LHFPL3: variants seen among roughly 807,000 people sequenced by gnomAD.
The protein encoded by LHFPL3 is LHFPL tetraspan subfamily member 3, also known as LHFPL tetraspan subfamily member 3 protein.
Under a neutral mutation model 19.3 loss-of-function variants are expected in LHFPL3, and 5 were observed. The observed-to-expected ratio is 0.26, with a 90% CI of 0.14 to 0.54. The LOEUF is 0.54. LHFPL3 is among the 20% of genes least tolerant of loss of function. The pLI is 0.94. For missense variants in LHFPL3, 249 were observed against 307.4 expected (o/e 0.81, Z 1.42); for synonymous variants, 133 against 126.2 (o/e 1.05, Z -0.36).
chr7:104,415,160 T>C (rs1791596932), intron 1 of LHFPL3, among the ~76,000 whole-genome samples: 1 of 152,176 alleles, frequency 6.6e-6, no homozygotes, highest in Non-Finnish European at 1.5e-5. Context: ...CTTAATCCTA[T>C]ATCAAGGACA....
At chr7:104,354,204 C>A (rs1389142246) in intron 1 of LHFPL3, among the ~76,000 whole-genome samples, 1 of 152,228 alleles carries the variant, frequency 6.6e-6, no homozygotes, top group Non-Finnish European at 1.5e-5. Context: ...ACCCACGTGG[C>A]TGTATGCACC....
At chr7:104,878,291 G>A (rs371677546) in intron 2 of LHFPL3, among the ~76,000 whole-genome samples, 1 of 151,830 alleles carries the variant, frequency 6.6e-6, no homozygotes, top group Admixed American at 6.6e-5. Context: ...CAAATTGAAG[G>A]TTTGTGGCAA....
intron 1 of LHFPL3, among the ~76,000 whole-genome samples, chr7:104,369,191 C>T (rs1790560701): frequency 6.6e-6 from 1 of 152,164 alleles, no homozygotes; most frequent in African/African-American, 2.4e-5. Context: ...CCCCAAAATT[C>T]TCTTGAGTCT....
chr7:104,661,116 G>A (rs1017642758), intron 1 of LHFPL3, among the ~76,000 whole-genome samples: 2 of 152,212 alleles, frequency 1.3e-5, no homozygotes, highest in Non-Finnish European at 2.9e-5. Flanking sequence ...GCAGTGCAGT[G>A]ATGGTCCATG....
intron 2 of LHFPL3, among the ~76,000 whole-genome samples, chr7:104,778,193 T>C (rs796545073): frequency 3.2e-4 from 49 of 152,284 alleles, no homozygotes; most frequent in African/African-American, 1.2e-3. Flanking sequence ...ACCAGAAGAT[T>C]GAGTGCGATT....
chr7:104,763,132 C>T (rs535171942), intron 2 of LHFPL3, among the ~76,000 whole-genome samples: 162 of 152,198 alleles, frequency 1.1e-3, no homozygotes, highest in Non-Finnish European at 2.1e-3. Flanking sequence ...TCTCATTTCA[C>T]AGCGAAGTAC....
chr7:104,598,987 A>G (rs1345826069), intron 1 of LHFPL3, among the ~76,000 whole-genome samples: 1 of 152,210 alleles, frequency 6.6e-6, no homozygotes, highest in African/African-American at 2.4e-5. Flanking sequence ...TAAAGTTTAC[A>G]TTTTTAATTT....
chr7:104,508,188 C>T (rs904370204), intron 1 of LHFPL3, among the ~76,000 whole-genome samples: 1 of 152,016 alleles, frequency 6.6e-6, no homozygotes, highest in African/African-American at 2.4e-5. Flanking sequence ...TATTCACGAT[C>T]GCAAACACTT....
Position 104,338,955 on chromosome 7 carries a change from G to A in LHFPL3, c.445+9731G>A, listed in dbSNP as rs187892850. 2.7e-3 allele frequency among the ~76,000 whole-genome samples: 408 copies of A among 152,210 alleles called. 1 individual carries two copies. Among genetic ancestry groups the A allele is most frequent in the Non-Finnish European group, 3.7e-3 (253 of 68,010 alleles). ...ATACTCTTCTCATTTTCTTGATTAAGAAATAATAATGGCCGGGCATGGTGG... is the reference window on the plus strand; with the variant it reads ...ATACTCTTCTCATTTTCTTGATTAAAAAATAATAATGGCCGGGCATGGTGG... On this transcript the variant is annotated intron_variant, in intron 1 of 2. Transcript: ENST00000424859.
rs567380634 is a variant in LHFPL3, at chr7:104,668,756, C to T, written c.446-67919C>T. The T allele has an allele frequency of 3.6e-5, 53 of 1,487,238 alleles. No homozygotes were observed. In the African/African-American group the frequency reaches 7.6e-4, roughly 21 times the overall value. 92.1% of individuals were successfully genotyped at this position (1,487,238 alleles called of 1,614,324 possible). On this transcript the variant is annotated intron_variant, in intron 1 of 2. Coordinates refer to ENST00000424859, the MANE Select transcript of LHFPL3 (RefSeq NM_199000.3). The stretch of plus-strand genomic sequence containing the variant: ...AAGACCCAAACTGAATCTAAAGCCT[C>T]GGAGTACTCCTAAGGAAGATGATTC...
Position 104,793,589 on chromosome 7 carries a change from C to T in LHFPL3, c.682+56678C>T, listed in dbSNP as rs143632180. On this transcript the variant is annotated intron_variant, in intron 2 of 2. Coordinates refer to ENST00000424859, the MANE Select transcript of LHFPL3 (RefSeq NM_199000.3). ...AAAGAATGGTTTGAACTAACACTCA[C>T]AGTCATTAGAGTGACCGAGCAGCAA... is the stretch of plus-strand genomic sequence containing the variant. 8.1e-3 allele frequency among the ~76,000 whole-genome samples: 1,228 copies of T among 152,314 alleles called. 5 individuals carry two copies. The highest frequency in any genetic ancestry group is 0.02 in the Middle Eastern group (6 of 294).
chr7:104,645,594 T>C (rs1237934580), intron 1 of LHFPL3, among the ~76,000 whole-genome samples: 1 of 151,750 alleles, frequency 6.6e-6, no homozygotes, highest in Non-Finnish European at 1.5e-5. Flanking sequence ...CAAAGGTGCA[T>C]GTCTAAATCT....
chr7:104,408,925 C>T (rs1041784060), intron 1 of LHFPL3, among the ~76,000 whole-genome samples: 14 of 135,102 alleles, frequency 1.0e-4, no homozygotes, highest in African/African-American at 4.0e-4. Flanking sequence ...AGTGCAATGG[C>T]GCGATCTCGT....
At chr7:104,873,177 C>A (rs10216243) in intron 2 of LHFPL3, among the ~76,000 whole-genome samples, 13,331 of 152,238 alleles carry the variant, frequency 0.088, 1,253 homozygotes, top group East Asian at 0.43. Context: ...CTAATGTTTT[C>A]AATAGCCAAT....
At chr7:104,650,919 A>T (rs1281381447) in intron 1 of LHFPL3, among the ~76,000 whole-genome samples, 2 of 152,108 alleles carry the variant, frequency 1.3e-5, no homozygotes, top group Non-Finnish European at 2.9e-5. Context: ...GAGTTTGGTT[A>T]AAAAAAATCA....
intron 1 of LHFPL3, among the ~76,000 whole-genome samples, chr7:104,622,190 C>T (rs1489717010): frequency 5.9e-5 from 9 of 152,182 alleles, no homozygotes; most frequent in African/African-American, 2.2e-4. Flanking sequence ...CAGTGTTGAC[C>T]TCCCAGGCTT....
At chr7:104,541,753 C>A (rs948715124) in intron 1 of LHFPL3, among the ~76,000 whole-genome samples, 1 of 152,128 alleles carries the variant, frequency 6.6e-6, no homozygotes, top group Non-Finnish European at 1.5e-5. Flanking sequence ...AATGAATAAA[C>A]TTGAATGATT....
intron 2 of LHFPL3, among the ~76,000 whole-genome samples, chr7:104,864,660 C>A (rs1791686387): frequency 6.6e-6 from 1 of 152,248 alleles, no homozygotes; most frequent in Non-Finnish European, 1.5e-5. Context: ...GACTCCATCT[C>A]TGGGGGCAGG....
intron 1 of LHFPL3, among the ~76,000 whole-genome samples, chr7:104,729,067 T>C (rs1309408344): frequency 6.6e-6 from 1 of 152,228 alleles, no homozygotes; most frequent in Non-Finnish European, 1.5e-5. Flanking sequence ...ATTTGGGAAA[T>C]TGAATATCAG....
Sources: allele counts gnomAD v4.1 joint callset (sites outside exome capture counted in the v4.1 genomes callset), GRCh38; gene constraint gnomAD v4.1.1; transcripts MANE v1.5; gene names NCBI Gene and HGNC (gene_info 2026-07-23, HGNC 2026-07-21).